The following TCF4 variants were observed in gnomAD, a reference collection of about 807,000 sequenced individuals.
TCF4 encodes the protein SL3-3 enhancer factor 2.
TCF4 carries 3 observed loss-of-function variants against 82.1 expected under a neutral mutation model. The observed-to-expected ratio is 0.04, with a 90% CI of 0.02 to 0.09. The LOEUF is 0.09. Among genes scored for constraint, TCF4 ranks in the 10% least tolerant of loss-of-function variants. The pLI is 1.00. For missense variants in TCF4, 518 were observed against 852.7 expected, an observed-to-expected ratio of 0.61 and a Z score of 4.89; for synonymous variants, 276 against 309.6, an observed-to-expected ratio of 0.89 and a Z score of 1.14.
intron 3 of TCF4, among the ~76,000 whole-genome samples, chr18:55,529,172 C>T (rs1455376592): frequency 1.3e-5 from 2 of 152,050 alleles, no homozygotes; most frequent in Non-Finnish European, 2.9e-5. Context: ...CAGCCAGACT[C>T]GTCTCAAAAA....
chr18:55,332,083 TTTAA>T (rs1411402893), intron 8 of TCF4: 1 of 152,220 alleles, frequency 6.6e-6, no homozygotes, highest in Non-Finnish European at 1.5e-5. Flanking sequence ...TCAAATGTTC[TTTAA>T]TTTTTTTTGG....
In TCF4 at chr18:55,316,372, G is replaced by A. The variant is rs2074135430; in HGVS notation, c.549+33987C>T. On this transcript the variant is annotated intron_variant, in intron 8 of 19. Transcript: ENST00000354452. ...TTTAATAGATCCCTGATGGCAGCAT[G>A]TAGACCATGTATTTGACCTACAATA... 2.0e-5 allele frequency among the ~76,000 whole-genome samples: 3 copies of A among 152,122 alleles called. No homozygotes were observed. The South Asian group carries it at 6.2e-4, about 32-fold the overall frequency.
At chr18:55,588,424 C>A (rs1423935580), upstream of TCF4, 5 of 1,534,588 alleles carry the variant, frequency 3.3e-6, no homozygotes, top group African/African-American at 1.4e-5. Context: ...AATCTCAACA[C>A]CTCCCCCGCC....
chr18:55,445,673 T>G (rs1006002048), intron 5 of TCF4, among the ~76,000 whole-genome samples: 8 of 152,196 alleles, frequency 5.3e-5, no homozygotes, highest in African/African-American at 1.9e-4. Context: ...CATATCAACC[T>G]GTCATCCCTT....
chr18:55,343,206 C>T lies in TCF4; in HGVS notation c.549+7153G>A, dbSNP rs560728345. ...AAATATAAGTCTTTCTAATATGGCT[C>T]CATGTTTCACAAAGGAAATGCCCTT... On this transcript the variant is annotated intron_variant, in intron 8 of 19. Transcript: ENST00000354452. 7.2e-5 allele frequency among the ~76,000 whole-genome samples: 11 copies of T among 152,204 alleles called. No homozygotes were observed. In the East Asian group the frequency reaches 2.1e-3, roughly 29 times the overall value.
chr18:55,426,871 C>A (rs949196865), intron 5 of TCF4, among the ~76,000 whole-genome samples: 2 of 152,236 alleles, frequency 1.3e-5, no homozygotes, highest in Middle Eastern at 3.4e-3. Context: ...GACACACACA[C>A]ACACTCCTCA....
At position 55,366,689 on chromosome 18, in the gene TCF4, A is replaced by C. The variant is rs145384036; in HGVS notation, c.370-15686T>G. 3.2e-3 allele frequency among the ~76,000 whole-genome samples: 482 copies of C among 152,336 alleles called. 3 individuals are homozygous for C. Among genetic ancestry groups the C allele is most frequent in the African/African-American group, 0.011 (460 of 41,586 alleles). ...AGAATATTTGCACCCAGCCTGCTCA[A>C]TTTTGGCACATGTATTTGAGCACAG... On this transcript the variant is annotated intron_variant, in intron 6 of 19. Transcript: ENST00000354452.
intron 8 of TCF4, among the ~76,000 whole-genome samples, chr18:55,281,470 T>C (rs961390033): frequency 7.9e-5 from 12 of 152,296 alleles, no homozygotes; most frequent in African/African-American, 2.9e-4. Context: ...CTGGCCTCAG[T>C]ATTAACATAA....
At chr18:55,382,635 T>A (rs1030638458) in intron 6 of TCF4, among the ~76,000 whole-genome samples, 1 of 152,130 alleles carries the variant, frequency 6.6e-6, no homozygotes, top group Non-Finnish European at 1.5e-5. Flanking sequence ...CCTCTCACTA[T>A]CCTGATCACC....
chr18:55,254,807 T>C, intron 14 of TCF4, 107 bp from the exon 15 acceptor site: 2 of 995,530 alleles, frequency 2.0e-6, no homozygotes, highest in Non-Finnish European at 1.5e-6. Flanking sequence ...TCTAAATACA[T>C]GTTTCCAATA....
In TCF4 at chr18:55,293,930, A is replaced by AATTT. The variant is rs1568769774; in HGVS notation, c.550-14275_550-14274insAAAT. On this transcript the variant is annotated intron_variant, in intron 8 of 19. Transcript: ENST00000354452. ...ATTTCATCTTCTAAACTTTCCAAGG[A>AATTT]CTTTTTTTTTTTTTTTTTTTTTTTT... Among the ~76,000 whole-genome samples the AATTT allele has an allele frequency of 5.8e-3, 132 of 22,646 alleles. 4 individuals carry two copies. Among genetic ancestry groups the AATTT allele is most frequent in the Admixed American group, 0.015 (21 of 1,400 alleles). 14.9% of individuals were successfully genotyped at this position (22,646 alleles called of 152,430 possible).
intron 8 of TCF4, among the ~76,000 whole-genome samples, chr18:55,333,971 T>C (rs1267289979): frequency 2.6e-4 from 40 of 152,170 alleles, no homozygotes. Context: ...ACCCCTTTCA[T>C]GAATTTTTAG....
intron 2 of TCF4, among the ~76,000 whole-genome samples, chr18:55,622,704 C>G (rs2097722614): frequency 6.6e-6 from 1 of 152,056 alleles, no homozygotes; most frequent in Non-Finnish European, 1.5e-5. Context: ...GAAACTGGGT[C>G]TCCAGATTTT....
chr18:55,495,862 A>G (rs1303911462), intron 3 of TCF4: 2 of 152,176 alleles, frequency 1.3e-5, no homozygotes, highest in African/African-American at 4.8e-5. Context: ...TCATTTTTTT[A>G]AATGTTGATT....
intron 2 of TCF4, among the ~76,000 whole-genome samples, chr18:55,601,276 A>ATACT (rs750996085): frequency 2.6e-5 from 4 of 152,306 alleles, no homozygotes; most frequent in Non-Finnish European, 5.9e-5. Context: ...ATTGTATAGT[A>ATACT]ACCAACAAGA....
intron 6 of TCF4, among the ~76,000 whole-genome samples, chr18:55,382,119 CT>C (rs1395753677): frequency 6.6e-6 from 1 of 152,050 alleles, no homozygotes; most frequent in African/African-American, 2.4e-5. Context: ...AGTTACTGAA[CT>C]AGAATATTCC....
chr18:55,557,890 G>A (rs2097318491), intron 3 of TCF4, among the ~76,000 whole-genome samples: 1 of 152,128 alleles, frequency 6.6e-6, no homozygotes, highest in African/African-American at 2.4e-5. Context: ...TGTCCAGACT[G>A]AAGTAATCAC....
intron 10 of TCF4, among the ~76,000 whole-genome samples, chr18:55,271,954 C>G (rs562557486): frequency 1.6e-4 from 25 of 151,944 alleles, no homozygotes; most frequent in African/African-American, 6.0e-4. Context: ...GAAGAACAGA[C>G]GAACTACAAA....
chr18:55,311,498 T>C (rs1253635112), intron 8 of TCF4, among the ~76,000 whole-genome samples: 2 of 152,234 alleles, frequency 1.3e-5, no homozygotes, highest in African/African-American at 2.4e-5. Flanking sequence ...TCTAAAGATA[T>C]ATGTTTGTAA....
Sources: gnomAD v4.1 joint callset for allele counts (sites outside exome capture counted in the v4.1 genomes callset) on GRCh38, gnomAD v4.1.1 for gene constraint, MANE v1.5 for transcripts, NCBI Gene and HGNC (gene_info 2026-07-23, HGNC 2026-07-21) for gene names.